Variants in NFASC observed in about 807,000 individuals in gnomAD.
NFASC encodes neurofascin homolog.
In NFASC, 43 loss-of-function variants were observed where a neutral mutation model predicts 147.5. That is an observed-to-expected ratio of 0.29 (90% confidence interval 0.23 to 0.38). The LOEUF is 0.38. Among genes scored for constraint, NFASC ranks in the 10% least tolerant of loss-of-function variants. NFASC has a pLI of 1.00. For missense variants in NFASC, 1,320 were observed against 1,689.0 expected (o/e 0.78, Z 3.83); for synonymous variants, 622 against 665.5 (o/e 0.93, Z 1.01).
intron 1 of NFASC, among the ~76,000 whole-genome samples, chr1:204,867,122 C>G (rs2077171652): frequency 1.3e-5 from 2 of 152,110 alleles, no homozygotes; most frequent in Admixed American, 6.5e-5. Flanking sequence ...CAAGGGGGGA[C>G]CCCTAGATGT....
intron 1 of NFASC, 125 bp from the exon 2 acceptor site, chr1:204,920,507 C>T (rs181786930): frequency 1.1e-5 from 4 of 361,954 alleles, no homozygotes; most frequent in African/African-American, 4.4e-5. Flanking sequence ...CAAAACTTTA[C>T]CAATGGATGT....
chr1:204,932,649 C>T (rs935690247), intron 2 of NFASC, among the ~76,000 whole-genome samples: 15 of 152,192 alleles, frequency 9.9e-5, no homozygotes, highest in Admixed American at 5.9e-4. Context: ...AACTGAGACA[C>T]GCCTGTTCAC....
intron 20 of NFASC, among the ~76,000 whole-genome samples, chr1:204,981,030 C>T (rs760779557): frequency 6.6e-6 from 1 of 152,250 alleles, no homozygotes; most frequent in Non-Finnish European, 1.5e-5. Flanking sequence ...TCCCAAACCA[C>T]TTCCCAGTCT....
chr1:204,977,657 G>A, intron 16 of NFASC, 24 bp from the exon 17 acceptor site: 2 of 1,606,080 alleles, frequency 1.2e-6, no homozygotes, highest in Non-Finnish European at 1.7e-6. Flanking sequence ...CTGCTAACCT[G>A]GATAACCCGT....
intron 1 of NFASC, among the ~76,000 whole-genome samples, chr1:204,918,657 C>A (rs1016919775): frequency 6.8e-6 from 1 of 146,124 alleles, no homozygotes; most frequent in African/African-American, 2.6e-5. Flanking sequence ...ATGATCTCAG[C>A]TCACTGTAAC....
intron 1 of NFASC, among the ~76,000 whole-genome samples, chr1:204,857,489 A>G (rs779593709): frequency 3.9e-5 from 6 of 152,160 alleles, no homozygotes; most frequent in East Asian, 1.9e-4. Flanking sequence ...CAACAGGTCA[A>G]TTGGCTGGTT....
intron 16 of NFASC, 122 bp from the exon 17 acceptor site, chr1:204,977,559 C>T: frequency 2.5e-6 from 2 of 798,096 alleles, no homozygotes; most frequent in Non-Finnish European, 4.0e-6. Context: ...GGGGACAGCC[C>T]TGCCTAGAAC....
chr1:204,879,940 C>T (rs543602838), intron 1 of NFASC, among the ~76,000 whole-genome samples: 26 of 152,276 alleles, frequency 1.7e-4, no homozygotes, highest in African/African-American at 6.3e-4. Context: ...TGTGGGCTCT[C>T]GGCTGTGGGC....
intron 22 of NFASC, among the ~76,000 whole-genome samples, chr1:204,988,195 T>C (rs952930656): frequency 7.2e-5 from 11 of 152,262 alleles, no homozygotes; most frequent in African/African-American, 2.7e-4. Context: ...CTGTTCTGAA[T>C]TGATCTCTGG....
intron 1 of NFASC, among the ~76,000 whole-genome samples, chr1:204,853,956 T>G (rs1201519714): frequency 6.6e-6 from 1 of 152,156 alleles, no homozygotes; most frequent in African/African-American, 2.4e-5. Flanking sequence ...TCTGCTTGGC[T>G]TCTTTTCTGC....
chr1:204,858,692 C>T (rs1175623609), intron 1 of NFASC, among the ~76,000 whole-genome samples: 2 of 152,152 alleles, frequency 1.3e-5, no homozygotes, highest in African/African-American at 2.4e-5. Flanking sequence ...CGCTTCCCTT[C>T]CTCATCATTT....
Position 204,991,300 on chromosome 1 carries a change from A to G in NFASC, c.2776A>G (p.Thr926Ala). The change falls in exon 24 of 30, where the codon ACC becomes GCC. Residue 926 changes from threonine (T) to alanine (A), a missense_variant. Around this residue, in one of 3 missense-constraint regions of NFASC, gnomAD observed 981 missense variants for 1,289.5 expected, o/e 0.76. Coordinates refer to ENST00000339876, the MANE Select transcript of NFASC (RefSeq NM_001005388.3). Reference sequence around the variant, plus strand: ...GGCGCTGTGTTCTGAAGCTACTCCAACCGCAGGTACCGTACCAGCCGCGGA... The same window carrying G: ...GGCGCTGTGTTCTGAAGCTACTCCAGCCGCAGGTACCGTACCAGCCGCGGA... Reference protein sequence around the residue: ...SPAPPNEATPTAAPPTLPPTT... With the variant: ...SPAPPNEATPAAAPPTLPPTT... The G allele has an allele frequency of 6.2e-7, 1 of 1,612,470 alleles. No individual in the cohort carries two copies. Among genetic ancestry groups the G allele is most frequent in the South Asian group, 1.1e-5 (1 of 90,712 alleles).
At chr1:204,996,709 C>T (rs1278078838) in intron 24 of NFASC, among the ~76,000 whole-genome samples, 1 of 152,106 alleles carries the variant, frequency 6.6e-6, no homozygotes, top group African/African-American at 2.4e-5. Flanking sequence ...AATGGCAGGC[C>T]ACTCTAGGCC....
chr1:204,987,917 C>CACAG lies in NFASC; in HGVS notation c.2593+378_2593+381dup, dbSNP rs3217592. Among the ~76,000 whole-genome samples the CACAG allele has an allele frequency of 0.46, 70,379 of 151,510 alleles. 16,595 individuals carry two copies. The highest frequency in any genetic ancestry group is 0.58 in the Middle Eastern group (171 of 294). On this transcript the variant is annotated intron_variant, in intron 22 of 29. Coordinates refer to ENST00000339876, the MANE Select transcript of NFASC (RefSeq NM_001005388.3). The surrounding 1 kb of genome is among the most constrained non-coding windows in gnomAD (Gnocchi z 4.4). ...GGTAGATAGTATACTCACAGGAGTC[C>CACAG]ACAGTCAGGACACCCCTTGACAAGA...
intron 24 of NFASC, among the ~76,000 whole-genome samples, chr1:204,991,965 G>A (rs2095746960): frequency 6.6e-6 from 1 of 152,198 alleles, no homozygotes; most frequent in African/African-American, 2.4e-5. Flanking sequence ...TTATCGTTAA[G>A]AACAGTCTCC....
chr1:204,884,158 C>T (rs1174630418), intron 1 of NFASC, among the ~76,000 whole-genome samples: 1 of 152,250 alleles, frequency 6.6e-6, no homozygotes, highest in Non-Finnish European at 1.5e-5. Context: ...CCTGTCAGGG[C>T]CTTGGGTGTT....
At chr1:204,854,087 CCCCA>C (rs2075939308) in intron 1 of NFASC, among the ~76,000 whole-genome samples, 3 of 152,134 alleles carry the variant, frequency 2.0e-5, no homozygotes, top group Admixed American at 2.0e-4. Flanking sequence ...CATTCCCCAC[CCCCA>C]CCCACCAGCC....
chr1:204,873,352 C>T (rs1373092022), intron 1 of NFASC, among the ~76,000 whole-genome samples: 1 of 152,144 alleles, frequency 6.6e-6, no homozygotes, highest in Non-Finnish European at 1.5e-5. Context: ...AACCAGCCAG[C>T]AGCTCTGGGT....
rs747235421 is a variant in NFASC, at chr1:204,987,643, T to C, written c.2593+103T>C. On this transcript the variant is annotated intron_variant, in intron 22 of 29. Transcript: ENST00000339876. This position sits in a 1 kb window ranked among gnomAD's most constrained non-coding sequence, Gnocchi z 4.4. ...AAGGTAGAAAGCCTGTGGGTGCAGA[T>C]GGCATTGTGGAGGGATGGAGGGGCC... is the stretch of plus-strand genomic sequence containing the variant. The C allele has an allele frequency of 3.9e-5, 54 of 1,400,192 alleles. No individual in the cohort carries two copies. The highest frequency in any genetic ancestry group is 5.2e-5 in the Non-Finnish European group (52 of 1,005,874). 86.7% of individuals were successfully genotyped at this position (1,400,192 alleles called of 1,614,324 possible). A position where few individuals can be genotyped will look rare whatever the true frequency, so the allele number is the denominator to read the frequency against.
Sources: gnomAD v4.1 joint callset for allele counts (sites outside exome capture counted in the v4.1 genomes callset) on GRCh38, gnomAD v4.1.1 for gene constraint, gnomAD v4.1.1 regional missense constraint, Gnocchi (gnomAD v3.1) non-coding constraint, MANE v1.5 for transcripts, NCBI Gene and HGNC (gene_info 2026-07-23, HGNC 2026-07-21) for gene names.